The following TRAM1 variants were observed in gnomAD, a reference collection of about 807,000 sequenced individuals.
The protein encoded by TRAM1 is translocation associated membrane protein 1.
A neutral mutation model predicts 48.7 loss-of-function variants in TRAM1; 17 were observed. The observed-to-expected ratio is 0.35, with a 90% CI of 0.24 to 0.52. The LOEUF (loss-of-function observed/expected upper bound fraction) is 0.52. Ranked by LOEUF, TRAM1 falls within the 20% of genes least tolerant of loss-of-function variation. The probability of loss-of-function intolerance (pLI) is 0.94; values close to 1 mark genes in which losing one functional copy is unlikely to be tolerated. For synonymous variants in TRAM1, 182 were observed against 154.0 expected (o/e 1.18, Z -1.34); for missense variants, 351 against 441.5 (o/e 0.79, Z 1.84).
intron 1 of TRAM1, among the ~76,000 whole-genome samples, chr8:70,605,555 C>T (rs1424051332): frequency 6.6e-6 from 1 of 152,178 alleles, no homozygotes; most frequent in African/African-American, 2.4e-5. Flanking sequence ...ATCAATTTCT[C>T]TATTATTCTA....
chr8:70,594,693 T>G, intron 5 of TRAM1, 103 bp from the exon 6 acceptor site: 2 of 858,152 alleles, frequency 2.3e-6, no homozygotes, highest in Non-Finnish European at 3.5e-6. Context: ...ACTACCTTTG[T>G]GTCATCATTC....
At chr8:70,583,032 C>T in intron 10 of TRAM1, 132 bp downstream of exon 10, 1 of 1,029,662 alleles carries the variant, frequency 9.7e-7, no homozygotes, top group Non-Finnish European at 1.4e-6. Context: ...ATTACTTTGC[C>T]TCTAATTTTG....
chr8:70,588,399 A>G (rs182693114), intron 6 of TRAM1, among the ~76,000 whole-genome samples: 1 of 152,246 alleles, frequency 6.6e-6, no homozygotes, highest in Non-Finnish European at 1.5e-5. Context: ...TAGCCTGGGC[A>G]ACAGAGAGAG....
intron 6 of TRAM1, among the ~76,000 whole-genome samples, chr8:70,592,948 A>G (rs1817401424): frequency 6.6e-6 from 1 of 152,194 alleles, no homozygotes; most frequent in African/African-American, 2.4e-5. Flanking sequence ...TGTGACTAGT[A>G]GTTAGCATTT....
At chr8:70,595,266 G>T (rs1363324154) in intron 5 of TRAM1, among the ~76,000 whole-genome samples, 1 of 151,558 alleles carries the variant, frequency 6.6e-6, no homozygotes, top group East Asian at 1.9e-4. Context: ...TTCTCCTCCA[G>T]AAGTCTAAAA....
chr8:70,586,382 C>A (rs113839574), intron 8 of TRAM1, among the ~76,000 whole-genome samples: 11,227 of 151,504 alleles, frequency 0.074, 462 homozygotes, highest in Non-Finnish European at 0.086. Context: ...TGTAACAAAC[C>A]TGCACATTGT....
chr8:70,605,560 A>G (rs1048164250), intron 1 of TRAM1, among the ~76,000 whole-genome samples: 2 of 152,236 alleles, frequency 1.3e-5, no homozygotes, highest in African/African-American at 4.8e-5. Context: ...TTTCTCTATT[A>G]TTCTAGCACA....
intron 4 of TRAM1, among the ~76,000 whole-genome samples, chr8:70,597,601 C>T (rs758154942): frequency 5.7e-5 from 7 of 123,340 alleles, no homozygotes; most frequent in Admixed American, 1.0e-4. Flanking sequence ...ACCCGGGAGG[C>T]GGAGGTTGCA....
intron 6 of TRAM1, 82 bp from the exon 7 acceptor site, chr8:70,587,258 GC>G: frequency 7.1e-7 from 1 of 1,400,476 alleles, no homozygotes; most frequent in Non-Finnish European, 9.8e-7. Context: ...TTGCTATGTT[GC>G]CCAGGTTGGT....
At chr8:70,607,394 TC>T (rs1480994856) in intron 1 of TRAM1, 2 of 985,366 alleles carry the variant, frequency 2.0e-6, no homozygotes, top group Admixed American at 6.1e-5. Flanking sequence ...GGCAAAAAGT[TC>T]GTTAACTGGT....
At chr8:70,602,350 G>A (rs1261137364) in intron 1 of TRAM1, among the ~76,000 whole-genome samples, 1 of 152,160 alleles carries the variant, frequency 6.6e-6, no homozygotes, top group Non-Finnish European at 1.5e-5. Flanking sequence ...GAGAGATTGA[G>A]CTTGTGTGGG....
chr8:70,591,530 T>C (rs1022627695), intron 6 of TRAM1, among the ~76,000 whole-genome samples: 2 of 152,158 alleles, frequency 1.3e-5, no homozygotes, highest in African/African-American at 4.8e-5. Context: ...AATTATAAAA[T>C]CGTAAATAAC....
At chr8:70,603,097 T>C (rs1817637390) in intron 1 of TRAM1, among the ~76,000 whole-genome samples, 2 of 152,230 alleles carry the variant, frequency 1.3e-5, no homozygotes, top group Middle Eastern at 3.4e-3. Context: ...GGCTACTCTA[T>C]TAAAATTTGG....
chr8:70,600,361 C>T (rs896608775), intron 1 of TRAM1, among the ~76,000 whole-genome samples: 28 of 152,132 alleles, frequency 1.8e-4, no homozygotes, highest in Admixed American at 1.8e-3. Context: ...AGTTATTTGA[C>T]AAATGATGAT....
At position 70,574,871 on chromosome 8, in the gene TRAM1, C is replaced by T. The variant is rs886776685; in HGVS notation, c.*61G>A. On this transcript the variant is annotated 3_prime_UTR_variant, in exon 11 of 11. Transcript: ENST00000262213. ...TTCAAGAACAGAAAAATCTCTAATG[C>T]TGAAAGATATAGTAGAAAGCAGATT... The T allele has an allele frequency of 9.5e-6, 11 of 1,160,386 alleles. No homozygotes were observed. The highest frequency in any genetic ancestry group is 9.2e-5 in the African/African-American group (6 of 64,946). The allele number at this position is 1,160,386 out of a possible 1,614,324, so 71.9% of individuals were successfully genotyped here. A position where few individuals can be genotyped will look rare whatever the true frequency, so the allele number is the denominator to read the frequency against.
chr8:70,594,730 A>G (rs1817449496), intron 5 of TRAM1, 140 bp from the exon 6 acceptor site: 1 of 561,824 alleles, frequency 1.8e-6, no homozygotes, highest in Non-Finnish European at 2.9e-6. Flanking sequence ...ACCTTTAAAC[A>G]ACTCTTCAAC....
At chr8:70,586,369 A>C (rs1250227970) in intron 8 of TRAM1, among the ~76,000 whole-genome samples, 2 of 151,662 alleles carry the variant, frequency 1.3e-5, no homozygotes, top group African/African-American at 4.8e-5. Flanking sequence ...ACTTGTATAC[A>C]TATGTAACAA....
At chr8:70,587,992 G>C (rs560067404) in intron 6 of TRAM1, among the ~76,000 whole-genome samples, 1 of 152,228 alleles carries the variant, frequency 6.6e-6, no homozygotes, top group African/African-American at 2.4e-5. Flanking sequence ...CGAGGTGGGA[G>C]GATCATTTGA....
At chr8:70,586,303 A>C (rs1817219614) in intron 8 of TRAM1, among the ~76,000 whole-genome samples, 1 of 146,848 alleles carries the variant, frequency 6.8e-6, no homozygotes, top group African/African-American at 2.5e-5. Flanking sequence ...GGATAGCATT[A>C]GGAGATATAC....
Sources: allele counts gnomAD v4.1 joint callset (sites outside exome capture counted in the v4.1 genomes callset), GRCh38; gene constraint gnomAD v4.1.1; transcripts MANE v1.5; gene names NCBI Gene and HGNC (gene_info 2026-07-23, HGNC 2026-07-21).